Variants in PKP2 observed in about 807,000 individuals in gnomAD.
PKP2 encodes the protein plakophilin 2.
In PKP2, 73 loss-of-function variants were observed where a neutral mutation model predicts 83.4. That is an observed-to-expected ratio of 0.88 (90% confidence interval 0.72 to 1.06). The LOEUF (loss-of-function observed/expected upper bound fraction) is 1.06. PKP2 is among the 50% of genes least tolerant of loss of function. PKP2 has a pLI of 0.00. For synonymous variants in PKP2, 409 were observed against 430.4 expected (o/e 0.95, Z 0.62); for missense variants, 966 against 1,065.4 (o/e 0.91, Z 1.30).
chr12:32,849,722 T>G (rs901273317), intron 5 of PKP2, among the ~76,000 whole-genome samples: 7 of 152,230 alleles, frequency 4.6e-5, no homozygotes, highest in African/African-American at 1.7e-4. Context: ...GATTAGTCCA[T>G]CTCTCCAATT....
At chr12:32,857,218 G>A (rs1440966135) in intron 4 of PKP2, among the ~76,000 whole-genome samples, 15 of 152,226 alleles carry the variant, frequency 9.9e-5, no homozygotes, top group Non-Finnish European at 1.5e-5. Flanking sequence ...AAGCCCAGGA[G>A]TTTGAGACCA....
chr12:32,829,833 G>C (rs1230437273), intron 6 of PKP2, among the ~76,000 whole-genome samples: 1 of 151,878 alleles, frequency 6.6e-6, no homozygotes, highest in African/African-American at 2.4e-5. Context: ...GCTAATTTTT[G>C]TATTTTTAGT....
At chr12:32,805,319 T>C (rs1001810710) in intron 9 of PKP2, among the ~76,000 whole-genome samples, 4 of 152,212 alleles carry the variant, frequency 2.6e-5, no homozygotes, top group African/African-American at 9.6e-5. Flanking sequence ...TGCATCCCAT[T>C]TGTCAATTTT....
chr12:32,889,198 C>A (rs541313962), intron 1 of PKP2, among the ~76,000 whole-genome samples: 1 of 152,292 alleles, frequency 6.6e-6, no homozygotes, highest in East Asian at 1.9e-4. Flanking sequence ...GCAAGATAAA[C>A]TGCCTGTGTG....
rs9394 is a variant in PKP2 at position 32,791,612 on chromosome 12, G to A, written c.*812C>T. 76,461 of 152,024 alleles carry A rather than the reference G, an allele frequency of 0.5. 21,202 individuals carry two copies. The highest frequency in any genetic ancestry group is 0.64 in the Non-Finnish European group (43,457 of 67,974). 9.4% of individuals were successfully genotyped at this position (152,024 alleles called of 1,614,324 possible). A position where few individuals can be genotyped will look rare whatever the true frequency, so the allele number is the denominator to read the frequency against. On this transcript the variant is annotated 3_prime_UTR_variant, in exon 13 of 13. Transcript: ENST00000340811. ...TTAGAAGAGATTTGGATTTAACGGC[G>A]TTGTTATAGGTAAAGTATCTCCTGA... is the stretch of plus-strand genomic sequence containing the variant.
intron 8 of PKP2, 150 bp downstream of exon 8, chr12:32,822,317 T>A (rs1956387487): frequency 1.4e-6 from 1 of 697,768 alleles, no homozygotes; most frequent in Admixed American, 2.1e-5. Context: ...AGGGTATTAA[T>A]AATACACACT....
intron 10 of PKP2, among the ~76,000 whole-genome samples, chr12:32,798,186 G>A (rs1956147235): frequency 6.8e-6 from 1 of 147,002 alleles, no homozygotes; most frequent in Non-Finnish European, 1.5e-5. Context: ...CCAGGTTCAA[G>A]CAATTCTCCT....
intron 4 of PKP2, among the ~76,000 whole-genome samples, chr12:32,853,357 A>G (rs1290910825): frequency 6.7e-6 from 1 of 149,556 alleles, no homozygotes; most frequent in Non-Finnish European, 1.5e-5. Flanking sequence ...AGCATTTTGG[A>G]TAAGTGATAC....
intron 5 of PKP2, among the ~76,000 whole-genome samples, chr12:32,850,513 C>A (rs1956685990): frequency 6.6e-6 from 1 of 151,442 alleles, no homozygotes; most frequent in African/African-American, 2.4e-5. Flanking sequence ...TTGCAGTGAG[C>A]TGAGATTGAG....
chr12:32,856,132 G>A (rs1460755314), intron 4 of PKP2, among the ~76,000 whole-genome samples: 2 of 152,052 alleles, frequency 1.3e-5, no homozygotes, highest in African/African-American at 4.8e-5. Context: ...ACTTGAATTT[G>A]TTTTATAGTA....
chr12:32,817,003 C>G (rs533934653), intron 9 of PKP2, among the ~76,000 whole-genome samples: 2 of 152,264 alleles, frequency 1.3e-5, no homozygotes, highest in South Asian at 4.1e-4. Flanking sequence ...TTACCAGATA[C>G]ATACTTTGTG....
intron 9 of PKP2, among the ~76,000 whole-genome samples, chr12:32,804,803 T>C (rs1388113690): frequency 6.6e-6 from 1 of 152,228 alleles, no homozygotes; most frequent in Non-Finnish European, 1.5e-5. Context: ...TTATATTCCT[T>C]TGGGTATATA....
In PKP2 at chr12:32,855,794, A is replaced by AAAAAAAAAAG. The variant is rs1459718298; in HGVS notation, c.1171-4822_1171-4821insCTTTTTTTTT. 4.2e-4 allele frequency among the ~76,000 whole-genome samples: 62 copies of AAAAAAAAAAG among 148,350 alleles called. 2 individuals are homozygous for AAAAAAAAAAG. The highest frequency in any genetic ancestry group is 1.5e-3 in the African/African-American group (58 of 38,906). The stretch of plus-strand genomic sequence containing the variant: ...ATCTCAAAAAAAAAAAAAAAAAAAA[A>AAAAAAAAAAG]AGGAAGAAAATATCTATGAATTTCT... On this transcript the variant is annotated intron_variant, in intron 4 of 12. Transcript: ENST00000340811.
At chr12:32,821,979 G>A (rs1426662360) in intron 8 of PKP2, among the ~76,000 whole-genome samples, 1 of 152,134 alleles carries the variant, frequency 6.6e-6, no homozygotes, top group Admixed American at 6.5e-5. Flanking sequence ...AGGAGGGGAG[G>A]TTACATTCTC....
chr12:32,797,539 A>G lies in PKP2; in HGVS notation c.2168-1241T>C, dbSNP rs534682924. Among the ~76,000 whole-genome samples, 570 of 150,606 alleles carry G rather than the reference A, an allele frequency of 3.8e-3. 6 individuals carry two copies. The highest frequency in any genetic ancestry group is 0.013 in the African/African-American group (549 of 41,096). ...TAATAGGAGCTGTTTTTCTACAACAATATTAATAGTGAACTAAAATCTTTT... is the reference window on the plus strand; with the variant it reads ...TAATAGGAGCTGTTTTTCTACAACAGTATTAATAGTGAACTAAAATCTTTT... On this transcript the variant is annotated intron_variant, in intron 10 of 12. Coordinates refer to ENST00000340811, the MANE Select transcript of PKP2 (RefSeq NM_001005242.3).
At chr12:32,831,226 C>A (rs890283030) in intron 6 of PKP2, among the ~76,000 whole-genome samples, 1 of 152,144 alleles carries the variant, frequency 6.6e-6, no homozygotes, top group African/African-American at 2.4e-5. Context: ...ATATGATGCT[C>A]AATCCATACC....
intron 3 of PKP2, among the ~76,000 whole-genome samples, chr12:32,877,504 A>G (rs1956941607): frequency 6.6e-6 from 1 of 152,212 alleles, no homozygotes; most frequent in Admixed American, 6.5e-5. Context: ...GATGAAGAAA[A>G]TACGCATGCA....
chr12:32,879,691 G>C (rs377027207), intron 1 of PKP2, among the ~76,000 whole-genome samples: 2 of 151,930 alleles, frequency 1.3e-5, no homozygotes, highest in Admixed American at 1.3e-4. Flanking sequence ...TTAGCTGTGC[G>C]TGGTGGCAGG....
intron 9 of PKP2, among the ~76,000 whole-genome samples, chr12:32,811,514 T>C (rs1472853843): frequency 6.6e-6 from 1 of 152,262 alleles, no homozygotes; most frequent in Non-Finnish European, 1.5e-5. Flanking sequence ...TTTCTTAAAT[T>C]TCTGCAACCA....
Sources: allele counts gnomAD v4.1 joint callset (sites outside exome capture counted in the v4.1 genomes callset), GRCh38; gene constraint gnomAD v4.1.1; transcripts MANE v1.5; gene names NCBI Gene and HGNC (gene_info 2026-07-23, HGNC 2026-07-21).